GDPD5: variants seen among roughly 807,000 people sequenced by gnomAD.
GDPD5 encodes glycerophosphodiester phosphodiesterase domain containing 5.
A neutral mutation model predicts 75.1 loss-of-function variants in GDPD5; 48 were observed. The observed-to-expected ratio is 0.64, with a 90% CI of 0.51 to 0.81. GDPD5 has a LOEUF of 0.81. Among genes scored for constraint, GDPD5 ranks in the 40% least tolerant of loss-of-function variants. The pLI, the probability that GDPD5 is intolerant of heterozygous loss-of-function variation, is 0.00. For synonymous variants in GDPD5, 336 were observed against 339.0 expected (o/e 0.99, Z 0.10); for missense variants, 706 against 822.6 (o/e 0.86, Z 1.73).
chr11:75,473,111 G>A (rs774794817), intron 3 of GDPD5, among the ~76,000 whole-genome samples: 3 of 151,888 alleles, frequency 2.0e-5, no homozygotes, highest in East Asian at 1.9e-4. Flanking sequence ...TGGCGTGGAC[G>A]AGCATGGAGG....
In GDPD5 at chr11:75,503,312, C is replaced by T. The variant is rs186259260; in HGVS notation, c.-144-12992G>A. 4.8e-3 allele frequency among the ~76,000 whole-genome samples: 735 copies of T among 152,298 alleles called. 1 individual carries two copies. Among genetic ancestry groups the T allele is most frequent in the Non-Finnish European group, 7.3e-3 (494 of 68,008 alleles). ...CTGGGATTACAGGCATGAGCCACCACGCCCAGCCATGATTGTTCCTATATA... is the reference window on the plus strand; with the variant it reads ...CTGGGATTACAGGCATGAGCCACCATGCCCAGCCATGATTGTTCCTATATA... On this transcript the variant is annotated intron_variant, in intron 1 of 16. Transcript: ENST00000336898.
chr11:75,441,151 C>G lies in GDPD5; in HGVS notation c.1473+12G>C, dbSNP rs774155848. 4 of 1,612,790 alleles carry G rather than the reference C, an allele frequency of 2.5e-6. No individual in the cohort carries two copies. The highest frequency in any genetic ancestry group is 3.4e-6 in the Non-Finnish European group (4 of 1,179,406). The stretch of plus-strand genomic sequence containing the variant: ...GCACTGCCCCCCAGGGGCCCTCTGC[C>G]CCCCAACTCACCATGATCCAGAGGG... On this transcript the variant is annotated intron_variant, in intron 14 of 16. Coordinates refer to ENST00000336898, the MANE Select transcript of GDPD5 (RefSeq NM_030792.8).
intron 1 of GDPD5, among the ~76,000 whole-genome samples, chr11:75,493,229 T>TCACTCACA (rs1555012466): frequency 1.4e-5 from 2 of 140,906 alleles, no homozygotes; most frequent in East Asian, 4.3e-4. Context: ...CCCACACATC[T>TCACTCACA]CACACACACA....
At chr11:75,474,481 C>CT (rs1426792416) in intron 3 of GDPD5, among the ~76,000 whole-genome samples, 12 of 152,362 alleles carry the variant, frequency 7.9e-5, no homozygotes, top group Middle Eastern at 6.8e-3. Context: ...CCCTTCCTGG[C>CT]TGTTGAGTGA....
At chr11:75,476,996 C>T (rs2135367929) in intron 3 of GDPD5, among the ~76,000 whole-genome samples, 1 of 151,998 alleles carries the variant, frequency 6.6e-6, no homozygotes, top group East Asian at 1.9e-4. Flanking sequence ...GAAAGTTGTT[C>T]TCCAGACAGT....
chr11:75,458,572 C>T (rs925086921), intron 4 of GDPD5, among the ~76,000 whole-genome samples: 4 of 151,574 alleles, frequency 2.6e-5, no homozygotes, highest in South Asian at 2.1e-4. Context: ...CTCGGGAGGC[C>T]GAGGCAGGAG....
Position 75,456,771 on chromosome 11 carries a change from G to A in GDPD5, c.361C>T (p.His121Tyr). Residue 121 changes from histidine (H) to tyrosine (Y), a missense_variant, in exon 6 of 17, where the codon CAC becomes TAC. Physicochemically the swap from His to Tyr is moderately conservative, Grantham distance 83 (BLOSUM62 2). Coordinates refer to ENST00000336898, the MANE Select transcript of GDPD5 (RefSeq NM_030792.8). ...GCGGCCCTTACCTTGTGCAGCCAGT[G>A]CAGGTTCATCTGCTGCCCCACGGCA... Reference protein sequence around the residue: ...HIAVGQQMNLHWLHKIGLVVI... With the variant: ...HIAVGQQMNLYWLHKIGLVVI... The A allele has an allele frequency of 6.2e-7, 1 of 1,614,224 alleles. No individual in the cohort carries two copies. Among genetic ancestry groups the A allele is most frequent in the South Asian group, 1.1e-5 (1 of 91,084 alleles).
At chr11:75,442,338 G>C (rs779599639) in intron 12 of GDPD5, 25 bp downstream of exon 12, 1 of 1,517,970 alleles carries the variant, frequency 6.6e-7, no homozygotes, top group Admixed American at 2.0e-5. Flanking sequence ...GCTCCCGGGG[G>C]CAGAGCTGCG....
At position 75,435,410 on chromosome 11, in the gene GDPD5, C is replaced by G; in HGVS notation, c.*97G>C. On this transcript the variant is annotated 3_prime_UTR_variant, in exon 17 of 17. Coordinates refer to ENST00000336898, the MANE Select transcript of GDPD5 (RefSeq NM_030792.8). The stretch of plus-strand genomic sequence containing the variant: ...GAGCCCACAAGGAGGCTGTGGAGCC[C>G]GCTCCCAGAGCACTCCGAGTTCAGA... 8.3e-7 allele frequency: 1 copy of G among 1,210,718 alleles called. No homozygotes were observed. The highest frequency in any genetic ancestry group is 1.1e-6 in the Non-Finnish European group (1 of 886,006). 75.0% of individuals were successfully genotyped at this position (1,210,718 alleles called of 1,614,324 possible).
At chr11:75,513,066 A>C (rs1209438226) in intron 1 of GDPD5, among the ~76,000 whole-genome samples, 1 of 152,184 alleles carries the variant, frequency 6.6e-6, no homozygotes. Context: ...ACAGCATCAC[A>C]CGTGGAGGGT....
At chr11:75,448,878 C>CA in intron 9 of GDPD5, 99 bp downstream of exon 9, 3 of 1,367,368 alleles carry the variant, frequency 2.2e-6, no homozygotes, top group Non-Finnish European at 2.9e-6. Context: ...CAAAAAGCTA[C>CA]AAATGGTTGC....
At chr11:75,480,370 G>C (rs979457223) in intron 2 of GDPD5, among the ~76,000 whole-genome samples, 1 of 151,114 alleles carries the variant, frequency 6.6e-6, no homozygotes, top group Admixed American at 6.6e-5. Context: ...GGTAACTTTT[G>C]TTTTTGAGAT....
At chr11:75,522,182 G>T (rs887227138) in intron 1 of GDPD5, among the ~76,000 whole-genome samples, 5 of 152,138 alleles carry the variant, frequency 3.3e-5, no homozygotes, top group Admixed American at 3.3e-4. Flanking sequence ...TGCCTAAAGT[G>T]CCGTGTGTTT....
At chr11:75,467,717 G>C (rs1949549961) in intron 3 of GDPD5, among the ~76,000 whole-genome samples, 1 of 152,080 alleles carries the variant, frequency 6.6e-6, no homozygotes, top group Admixed American at 6.5e-5. Flanking sequence ...CCGAGGGGAT[G>C]GAGGCTGAGG....
chr11:75,439,228 G>A (rs1013475281), intron 15 of GDPD5: 2 of 420,054 alleles, frequency 4.8e-6, no homozygotes, highest in African/African-American at 4.1e-5. Flanking sequence ...TGTCTGCGAG[G>A]TGGCCCGGGC....
At chr11:75,439,123 C>T (rs969884503) in intron 15 of GDPD5, among the ~76,000 whole-genome samples, 5 of 152,226 alleles carry the variant, frequency 3.3e-5, no homozygotes, top group East Asian at 1.9e-4. Context: ...CAGAAACGGC[C>T]GTGGGAACAG....
chr11:75,439,357 G>GT (rs1428651668), intron 15 of GDPD5: 1 of 456,504 alleles, frequency 2.2e-6, no homozygotes, highest in Non-Finnish European at 4.4e-6. Flanking sequence ...AGTGATAGCT[G>GT]TGAGATGCCA....
chr11:75,497,626 T>C (rs905718117), intron 1 of GDPD5, among the ~76,000 whole-genome samples: 4 of 152,178 alleles, frequency 2.6e-5, no homozygotes, highest in Admixed American at 6.5e-5. Context: ...ACTGTACTTA[T>C]CTGAGCACAG....
chr11:75,441,866 C>A, intron 12 of GDPD5, 63 bp from the exon 13 acceptor site: 3 of 1,477,300 alleles, frequency 2.0e-6, no homozygotes, highest in South Asian at 2.5e-5. Context: ...AGTACCTACT[C>A]CTCCTAGAGC....
Sources: allele counts gnomAD v4.1 joint callset (sites outside exome capture counted in the v4.1 genomes callset), GRCh38; gene constraint gnomAD v4.1.1; transcripts MANE v1.5; gene names NCBI Gene and HGNC (gene_info 2026-07-23, HGNC 2026-07-21).